Variants in NELL1 observed in about 807,000 individuals in gnomAD.
The protein encoded by NELL1 is neural EGFL like 1, also known as protein kinase C-binding protein NELL1.
NELL1 carries 76 observed loss-of-function variants against 107.4 expected under a neutral mutation model. The observed-to-expected ratio is 0.71, with a 90% CI of 0.59 to 0.86. The LOEUF (loss-of-function observed/expected upper bound fraction) is 0.86, where lower values mean the gene tolerates loss of function less well. Among genes scored for constraint, NELL1 ranks in the 40% least tolerant of loss-of-function variants. NELL1 has a pLI of 0.00. For missense variants in NELL1, 1,024 were observed against 1,005.5 expected (o/e 1.02, Z -0.25); for synonymous variants, 353 against 341.2 (o/e 1.03, Z -0.38).
At chr11:21,554,689 A>G (rs949243097) in intron 16 of NELL1, among the ~76,000 whole-genome samples, 3 of 151,886 alleles carry the variant, frequency 2.0e-5, no homozygotes, top group Admixed American at 6.6e-5. Context: ...ATCGTTATGT[A>G]TTTACCCAAA....
rs186674523 is a variant in NELL1, at chr11:21,511,042, G to A, written c.1646-23332G>A. ...GACTGTCTCCTCATCTGTAAAATAA[G>A]GCTAATAATAGTAGCTATTCCATCA... On this transcript the variant is annotated intron_variant, in intron 15 of 19. Coordinates refer to ENST00000357134, the MANE Select transcript of NELL1 (RefSeq NM_006157.5). Among the ~76,000 whole-genome samples the A allele has an allele frequency of 1.1e-4, 17 of 152,202 alleles. 1 individual carries two copies. The highest frequency in any genetic ancestry group is 6.2e-4 in the South Asian group (3 of 4,814).
At chr11:21,423,267 G>A (rs1852736357) in intron 15 of NELL1, among the ~76,000 whole-genome samples, 1 of 152,058 alleles carries the variant, frequency 6.6e-6, no homozygotes, top group Non-Finnish European at 1.5e-5. Flanking sequence ...CTACTCGGGA[G>A]GCTGAGGCAG....
chr11:20,937,343 A>G (rs1243124828), intron 9 of NELL1, among the ~76,000 whole-genome samples: 3 of 152,206 alleles, frequency 2.0e-5, no homozygotes, highest in African/African-American at 7.2e-5. Context: ...ATCACAAGGA[A>G]GAAGAAATGG....
chr11:21,240,781 G>A (rs1257711028), intron 14 of NELL1, among the ~76,000 whole-genome samples: 4 of 137,962 alleles, frequency 2.9e-5, no homozygotes, highest in African/African-American at 1.1e-4. Flanking sequence ...GGGGGGAGGG[G>A]GGAGTCTATT....
chr11:20,996,462 C>T (rs1283501909), intron 12 of NELL1, among the ~76,000 whole-genome samples: 1 of 152,166 alleles, frequency 6.6e-6, no homozygotes, highest in African/African-American at 2.4e-5. Context: ...GTCACTGGGG[C>T]TACTGATTCT....
At chr11:21,256,220 A>T (rs1858764079) in intron 14 of NELL1, among the ~76,000 whole-genome samples, 1 of 151,940 alleles carries the variant, frequency 6.6e-6, no homozygotes, top group Non-Finnish European at 1.5e-5. Flanking sequence ...ATGATATGTA[A>T]TTTTTACCTC....
chr11:20,843,343 T>C (rs1848650641), intron 3 of NELL1, among the ~76,000 whole-genome samples: 1 of 152,146 alleles, frequency 6.6e-6, no homozygotes, highest in South Asian at 2.1e-4. Context: ...TCTGGAGCTC[T>C]TTGGGTGTGA....
chr11:21,490,999 A>T (rs887863807), intron 15 of NELL1, among the ~76,000 whole-genome samples: 1 of 152,144 alleles, frequency 6.6e-6, no homozygotes, highest in Non-Finnish European at 1.5e-5. Context: ...AACAATCAAC[A>T]GAGTGAAAGA....
At chr11:20,856,754 A>C (rs755458714) in intron 4 of NELL1, among the ~76,000 whole-genome samples, 1 of 152,258 alleles carries the variant, frequency 6.6e-6, no homozygotes, top group Non-Finnish European at 1.5e-5. Context: ...TAGCCTCAGA[A>C]GCATAACACC....
At chr11:20,854,921 T>C (rs1848855264) in intron 4 of NELL1, among the ~76,000 whole-genome samples, 1 of 152,226 alleles carries the variant, frequency 6.6e-6, no homozygotes, top group South Asian at 2.1e-4. Flanking sequence ...GTTAAAGATA[T>C]AGATGGCCAA....
chr11:21,541,231 TG>T (rs1255321466), intron 16 of NELL1, among the ~76,000 whole-genome samples: 1 of 152,134 alleles, frequency 6.6e-6, no homozygotes, highest in African/African-American at 2.4e-5. Flanking sequence ...ACTGAATACC[TG>T]TTGGCCTTCC....
chr11:20,936,382 C>G (rs986593558), intron 9 of NELL1, among the ~76,000 whole-genome samples: 1 of 152,190 alleles, frequency 6.6e-6, no homozygotes, highest in Non-Finnish European at 1.5e-5. Context: ...GGAAGTGGAT[C>G]TCCATGTACC....
At chr11:21,188,417 T>C (rs1339193313) in intron 13 of NELL1, among the ~76,000 whole-genome samples, 1 of 151,808 alleles carries the variant, frequency 6.6e-6, no homozygotes, top group Non-Finnish European at 1.5e-5. Flanking sequence ...AGCAGGTTTA[T>C]GTGTTGGCAA....
chr11:21,198,415 G>GA (rs1239105461), intron 13 of NELL1, among the ~76,000 whole-genome samples: 4 of 152,182 alleles, frequency 2.6e-5, no homozygotes, highest in Admixed American at 2.6e-4. Flanking sequence ...AGGTTACACT[G>GA]AAAAACAGCA....
intron 15 of NELL1, among the ~76,000 whole-genome samples, chr11:21,395,861 A>G (rs1851968084): frequency 6.6e-6 from 1 of 151,606 alleles, no homozygotes; most frequent in Non-Finnish European, 1.5e-5. Flanking sequence ...CAATCCAAAA[A>G]AAATCAACCA....
chr11:21,250,428 C>T (rs941789747), intron 14 of NELL1, among the ~76,000 whole-genome samples: 1 of 152,156 alleles, frequency 6.6e-6, no homozygotes, highest in Admixed American at 6.6e-5. Flanking sequence ...TGAAAACCTG[C>T]AGGGCTCTTC....
chr11:21,087,272 A>G (rs1040431658), intron 12 of NELL1, among the ~76,000 whole-genome samples: 3 of 152,218 alleles, frequency 2.0e-5, no homozygotes, highest in African/African-American at 7.2e-5. Context: ...CAAGTGAAGA[A>G]CAAGATAGGA....
intron 15 of NELL1, among the ~76,000 whole-genome samples, chr11:21,506,611 G>A (rs1242714061): frequency 6.6e-6 from 1 of 152,076 alleles, no homozygotes; most frequent in East Asian, 1.9e-4. Flanking sequence ...GGTTTATGGT[G>A]GGAATAAATA....
At chr11:21,269,952 C>G (rs1848708423) in intron 14 of NELL1, among the ~76,000 whole-genome samples, 1 of 151,772 alleles carries the variant, frequency 6.6e-6, no homozygotes, top group African/African-American at 2.4e-5. Context: ...TTCTTGTACT[C>G]TCTATGAAGT....
Sources: allele counts gnomAD v4.1 joint callset (sites outside exome capture counted in the v4.1 genomes callset), GRCh38; gene constraint gnomAD v4.1.1; transcripts MANE v1.5; gene names NCBI Gene and HGNC (gene_info 2026-07-23, HGNC 2026-07-21).